BCL2L2: variants seen among roughly 807,000 people sequenced by gnomAD.
The protein encoded by BCL2L2 is BCL2 like 2, also known as bcl-2-like protein 2.
A neutral mutation model predicts 14.6 loss-of-function variants in BCL2L2; 6 were observed. The observed-to-expected ratio is 0.41, with a 90% CI of 0.22 to 0.81. BCL2L2 has a LOEUF of 0.81. BCL2L2 is among the 30% of genes least tolerant of loss of function. The probability of loss-of-function intolerance (pLI) is 0.32; values close to 1 mark genes in which losing one functional copy is unlikely to be tolerated. For missense variants in BCL2L2, 191 were observed against 260.5 expected, an observed-to-expected ratio of 0.73 and a Z score of 1.84; for synonymous variants, 90 against 108.5, an observed-to-expected ratio of 0.83 and a Z score of 1.06.
At position 23,310,190 on chromosome 14, in the gene BCL2L2, G is replaced by A; in HGVS notation, c.*1225G>A. 10 of 985,814 alleles carry A rather than the reference G, an allele frequency of 1.0e-5. No individual in the cohort carries two copies. The highest frequency in any genetic ancestry group is 1.2e-5 in the Non-Finnish European group (10 of 829,974). The allele number at this position is 985,814 out of a possible 1,614,324, so 61.1% of individuals were successfully genotyped here. Reference sequence around the variant, plus strand: ...TATTTGAAGCCACACTGTTTGCATGGGTGTTACTTGTCTGTACCTCAGAGT... The same window carrying A: ...TATTTGAAGCCACACTGTTTGCATGAGTGTTACTTGTCTGTACCTCAGAGT... On this transcript the variant is annotated 3_prime_UTR_variant, in exon 4 of 4. Transcript: ENST00000250405.
In BCL2L2 at chr14:23,309,580, G is replaced by A. The variant is rs1887481361; in HGVS notation, c.*615G>A. On this transcript the variant is annotated 3_prime_UTR_variant, in exon 4 of 4. Coordinates refer to ENST00000250405, the MANE Select transcript of BCL2L2 (RefSeq NM_004050.5). ...CTCCTCCCAACCCCTCCTTTCCCCT[G>A]CCCTTGTCCTGATGCCTCAAGGCTT... is the stretch of plus-strand genomic sequence containing the variant. The A allele has an allele frequency of 1.0e-6, 1 of 985,466 alleles. No homozygotes were observed. Among genetic ancestry groups the A allele is most frequent in the Admixed American group, 6.1e-5 (1 of 16,270 alleles). The allele number at this position is 985,466 out of a possible 1,614,324, so 61.0% of individuals were successfully genotyped here. A position where few individuals can be genotyped will look rare whatever the true frequency, so the allele number is the denominator to read the frequency against.
chr14:23,307,695 A>G, intron 2 of BCL2L2, 65 bp from the exon 3 acceptor site: 1 of 1,507,720 alleles, frequency 6.6e-7, no homozygotes, highest in Non-Finnish European at 8.9e-7. Context: ...TGGTCAAACC[A>G]GAAGTGCTCC....
Position 23,310,010 on chromosome 14 carries a change from T to G in BCL2L2, c.*1045T>G. On this transcript the variant is annotated 3_prime_UTR_variant, in exon 4 of 4. Coordinates refer to ENST00000250405, the MANE Select transcript of BCL2L2 (RefSeq NM_004050.5). ...TGTCTCAGTGAGACTGTTGATGCCTTGAGATGACCATTTCAGATCTGAATC... is the reference window on the plus strand; with the variant it reads ...TGTCTCAGTGAGACTGTTGATGCCTGGAGATGACCATTTCAGATCTGAATC... 4 of 985,458 alleles carry G rather than the reference T, an allele frequency of 4.1e-6. No homozygotes were observed. The highest frequency in any genetic ancestry group is 4.8e-6 in the Non-Finnish European group (4 of 829,978). The allele number at this position is 985,458 out of a possible 1,614,324, so 61.0% of individuals were successfully genotyped here. A position where few individuals can be genotyped will look rare whatever the true frequency, so the allele number is the denominator to read the frequency against.
Position 23,310,905 on chromosome 14 carries a change from GAAA to G in BCL2L2, c.*1945_*1947del. 2 of 1,288,920 alleles carry G rather than the reference GAAA, an allele frequency of 1.6e-6. No individual in the cohort carries two copies. Among genetic ancestry groups the G allele is most frequent in the Non-Finnish European group, 2.0e-6 (2 of 988,290 alleles). The allele number at this position is 1,288,920 out of a possible 1,614,324, so 79.8% of individuals were successfully genotyped here. A position where few individuals can be genotyped will look rare whatever the true frequency, so the allele number is the denominator to read the frequency against. On this transcript the variant is annotated 3_prime_UTR_variant, in exon 4 of 4. Transcript: ENST00000250405. ...TATTTGCATTAAGGGGTTTGCTGCT[GAAA>G]AAAAGTTGGAAAACCACTGACTAGA...
Position 23,311,101 on chromosome 14 carries a change from C to T in BCL2L2, c.*2136C>T. On this transcript the variant is annotated 3_prime_UTR_variant, in exon 4 of 4. Transcript: ENST00000250405. ...GTTACCAAAATGCCCTGCTCTGAAG[C>T]CTTGACACCTGGGTGGAAAGAGAGG... is the stretch of plus-strand genomic sequence containing the variant. 1.6e-6 allele frequency: 2 copies of T among 1,289,054 alleles called. No homozygotes were observed. The highest frequency in any genetic ancestry group is 1.0e-6 in the Non-Finnish European group (1 of 988,660). The allele number at this position is 1,289,054 out of a possible 1,614,324, so 79.9% of individuals were successfully genotyped here. A position where few individuals can be genotyped will look rare whatever the true frequency, so the allele number is the denominator to read the frequency against.
Position 23,309,702 on chromosome 14 carries a change from T to C in BCL2L2, c.*737T>C. On this transcript the variant is annotated 3_prime_UTR_variant, in exon 4 of 4. Transcript: ENST00000250405. ...GAGAAGAGCAGTTCTGCAGCTGGCC[T>C]TGTTCCTTCATCATCCCCCTTCCTT... 5 of 985,648 alleles carry C rather than the reference T, an allele frequency of 5.1e-6. No homozygotes were observed. The highest frequency in any genetic ancestry group is 6.0e-6 in the Non-Finnish European group (5 of 830,058). The allele number at this position is 985,648 out of a possible 1,614,324, so 61.1% of individuals were successfully genotyped here.
rs1887344145 is a variant in BCL2L2, at chr14:23,307,904, T to C, written c.137T>C (p.Met46Thr). ...GPAADPLHQA[M>T]RAAGDEFETR... The stretch of plus-strand genomic sequence containing the variant: ...GCAGCTGACCCGCTGCACCAAGCCA[T>C]GCGGGCAGCTGGAGATGAGTTCGAG... The change falls in exon 3 of 4, where the codon ATG (methionine) becomes ACG (threonine). Residue 46 changes from methionine (M) to threonine (T), a missense_variant. By Grantham distance (81) the Met-to-Thr change is moderately conservative. Coordinates refer to ENST00000250405, the MANE Select transcript of BCL2L2 (RefSeq NM_004050.5). 3 of 1,613,398 alleles carry C rather than the reference T, an allele frequency of 1.9e-6. No homozygotes were observed. Among genetic ancestry groups the C allele is most frequent in the Middle Eastern group, 1.6e-4 (1 of 6,080 alleles).
rs936573375 is a variant in BCL2L2, at chr14:23,310,975, A to T, written c.*2010A>T. ...GGAGTCTGTGCTTCCTTCCCCAGGTATGGAGCACACTCTTCACCCTACCCT... is the reference window on the plus strand; with the variant it reads ...GGAGTCTGTGCTTCCTTCCCCAGGTTTGGAGCACACTCTTCACCCTACCCT... On this transcript the variant is annotated 3_prime_UTR_variant, in exon 4 of 4. Transcript: ENST00000250405. 22 of 1,289,458 alleles carry T rather than the reference A, an allele frequency of 1.7e-5. No individual in the cohort carries two copies. Among genetic ancestry groups the T allele is most frequent in the Middle Eastern group, 2.1e-4 (1 of 4,712 alleles). The allele number at this position is 1,289,458 out of a possible 1,614,324, so 79.9% of individuals were successfully genotyped here.
In BCL2L2 at chr14:23,307,885, G is replaced by A; in HGVS notation, c.118G>A (p.Asp40Asn). ...TGGCCCCGGGGAGGGCCCAGCAGCTGACCCGCTGCACCAAGCCATGCGGGC... is the reference window on the plus strand; with the variant it reads ...TGGCCCCGGGGAGGGCCCAGCAGCTAACCCGCTGCACCAAGCCATGCGGGC... Reference protein sequence around the residue: ...GAGPGEGPAADPLHQAMRAAG... With the variant: ...GAGPGEGPAANPLHQAMRAAG... Residue 40 changes from aspartate to asparagine, a missense_variant, in exon 3 of 4, where the codon GAC (aspartate) becomes AAC (asparagine). Asp to Asn is a conservative substitution (Grantham distance 23). Transcript: ENST00000250405. 1.2e-6 allele frequency: 2 copies of A among 1,612,914 alleles called. No homozygotes were observed. The highest frequency in any genetic ancestry group is 1.7e-6 in the Non-Finnish European group (2 of 1,179,560).
chr14:23,310,324 C>G lies in BCL2L2; in HGVS notation c.*1359C>G. 1 of 987,018 alleles carries G rather than the reference C, an allele frequency of 1.0e-6. No individual in the cohort carries two copies. The highest frequency in any genetic ancestry group is 1.2e-6 in the Non-Finnish European group (1 of 830,800). The allele number at this position is 987,018 out of a possible 1,614,324, so 61.1% of individuals were successfully genotyped here. A position where few individuals can be genotyped will look rare whatever the true frequency, so the allele number is the denominator to read the frequency against. On this transcript the variant is annotated 3_prime_UTR_variant, in exon 4 of 4. Coordinates refer to ENST00000250405, the MANE Select transcript of BCL2L2 (RefSeq NM_004050.5). ...TCCAGATGCATGCCCTGAGCCAGAC[C>G]TCACTGCTGCACTTTCCAAGGTGCT...
chr14:23,311,035 C>CG lies in BCL2L2; in HGVS notation c.*2073dup, dbSNP rs1258093661. On this transcript the variant is annotated 3_prime_UTR_variant, in exon 4 of 4. Transcript: ENST00000250405. ...GACACATATCCCTGTTAGCATTCCCCGGGACCTTTAGCCAAGAGGAGCTGC... is the reference window on the plus strand; with the variant it reads ...GACACATATCCCTGTTAGCATTCCCCGGGGACCTTTAGCCAAGAGGAGCTGC... 2.3e-6 allele frequency: 3 copies of CG among 1,289,520 alleles called. No homozygotes were observed. In the Admixed American group the frequency reaches 6.9e-5, roughly 30 times the overall value. 79.9% of individuals were successfully genotyped at this position (1,289,520 alleles called of 1,614,324 possible). A position where few individuals can be genotyped will look rare whatever the true frequency, so the allele number is the denominator to read the frequency against.
rs1887463141 is a variant in BCL2L2 at position 23,309,326 on chromosome 14, G to C, written c.*361G>C. The C allele has an allele frequency of 6.7e-6, 7 of 1,050,648 alleles. No individual in the cohort carries two copies. The allele number at this position is 1,050,648 out of a possible 1,614,324, so 65.1% of individuals were successfully genotyped here. A position where few individuals can be genotyped will look rare whatever the true frequency, so the allele number is the denominator to read the frequency against. ...TAAGCAGCTGTATTCCATTAGATGA[G>C]TGGGATTTAGGGAACGCAGAAGGCA... On this transcript the variant is annotated 3_prime_UTR_variant, in exon 4 of 4. Transcript: ENST00000250405.
At position 23,310,594 on chromosome 14, in the gene BCL2L2, G is replaced by A. The variant is rs1206003190; in HGVS notation, c.*1629G>A. The A allele has an allele frequency of 1.8e-6, 2 of 1,083,206 alleles. No individual in the cohort carries two copies. Among genetic ancestry groups the A allele is most frequent in the Non-Finnish European group, 2.3e-6 (2 of 888,800 alleles). The allele number at this position is 1,083,206 out of a possible 1,614,324, so 67.1% of individuals were successfully genotyped here. A position where few individuals can be genotyped will look rare whatever the true frequency, so the allele number is the denominator to read the frequency against. On this transcript the variant is annotated 3_prime_UTR_variant, in exon 4 of 4. Transcript: ENST00000250405. ...TTTTCATGGTATTTCTAGGGGAGGT[G>A]GTAGGCTGCATGTGCCACTTGGTCT...
Position 23,311,090 on chromosome 14 carries a change from C to G in BCL2L2, c.*2125C>G, listed in dbSNP as rs1407232769. On this transcript the variant is annotated 3_prime_UTR_variant, in exon 4 of 4. Transcript: ENST00000250405. Reference sequence around the variant, plus strand: ...ACCATGGCCAGGTTACCAAAATGCCCTGCTCTGAAGCCTTGACACCTGGGT... The same window carrying G: ...ACCATGGCCAGGTTACCAAAATGCCGTGCTCTGAAGCCTTGACACCTGGGT... 1.6e-6 allele frequency: 2 copies of G among 1,289,246 alleles called. No homozygotes were observed. 79.9% of individuals were successfully genotyped at this position (1,289,246 alleles called of 1,614,324 possible).
At position 23,311,059 on chromosome 14, in the gene BCL2L2, G is replaced by T; in HGVS notation, c.*2094G>T. The T allele has an allele frequency of 3.1e-6, 4 of 1,289,438 alleles. No homozygotes were observed. Among genetic ancestry groups the T allele is most frequent in the Non-Finnish European group, 4.0e-6 (4 of 988,704 alleles). The allele number at this position is 1,289,438 out of a possible 1,614,324, so 79.9% of individuals were successfully genotyped here. ...CCGGGACCTTTAGCCAAGAGGAGCTGCAGGGACCATGGCCAGGTTACCAAA... is the reference window on the plus strand; with the variant it reads ...CCGGGACCTTTAGCCAAGAGGAGCTTCAGGGACCATGGCCAGGTTACCAAA... On this transcript the variant is annotated 3_prime_UTR_variant, in exon 4 of 4. Coordinates refer to ENST00000250405, the MANE Select transcript of BCL2L2 (RefSeq NM_004050.5).
At position 23,310,383 on chromosome 14, in the gene BCL2L2, A is replaced by G; in HGVS notation, c.*1418A>G. 1.0e-6 allele frequency: 1 copy of G among 989,478 alleles called. No homozygotes were observed. Among genetic ancestry groups the G allele is most frequent in the African/African-American group, 1.7e-5 (1 of 57,368 alleles). The allele number at this position is 989,478 out of a possible 1,614,324, so 61.3% of individuals were successfully genotyped here. ...TGCTCTCCAATGCTAACTTTCTGAC[A>G]CAGTGCTCTAGAACCCTGCCTGTGG... On this transcript the variant is annotated 3_prime_UTR_variant, in exon 4 of 4. Transcript: ENST00000250405.
rs745799509 is a variant in BCL2L2 at position 23,308,215 on chromosome 14, A to G, written c.432+16A>G. On this transcript the variant is annotated intron_variant, in intron 3 of 3. Transcript: ENST00000250405. This position sits in a 1 kb window ranked among gnomAD's most constrained non-coding sequence, Gnocchi z 5.4. ...TGGGGGCTGGGTAAGAAGCTTCTCA[A>G]TTGCCGCTCTGCACATCCTTCTGCA... is the stretch of plus-strand genomic sequence containing the variant. 2.4e-5 allele frequency: 39 copies of G among 1,596,228 alleles called. No homozygotes were observed. The highest frequency in any genetic ancestry group is 3.4e-5 in the South Asian group (3 of 89,068).
chr14:23,307,702 C>T, intron 2 of BCL2L2, 58 bp from the exon 3 acceptor site: 2 of 1,508,204 alleles, frequency 1.3e-6, no homozygotes. Context: ...ACCAGAAGTG[C>T]TCCTTCTGAT....
rs1306805286 is a variant in BCL2L2 at position 23,310,486 on chromosome 14, C to T, written c.*1521C>T. 23 of 1,031,762 alleles carry T rather than the reference C, an allele frequency of 2.2e-5. No individual in the cohort carries two copies. Among genetic ancestry groups the T allele is most frequent in the East Asian group, 1.0e-4 (1 of 9,564 alleles). 63.9% of individuals were successfully genotyped at this position (1,031,762 alleles called of 1,614,324 possible). On this transcript the variant is annotated 3_prime_UTR_variant, in exon 4 of 4. Coordinates refer to ENST00000250405, the MANE Select transcript of BCL2L2 (RefSeq NM_004050.5). Reference sequence around the variant, plus strand: ...TTCACTTGGTCCTAGAATGTGGCAACGTAGTTGTGCTCGCCAGAACGTGGG... The same window carrying T: ...TTCACTTGGTCCTAGAATGTGGCAATGTAGTTGTGCTCGCCAGAACGTGGG...
Sources: allele counts gnomAD v4.1 joint callset, GRCh38; gene constraint gnomAD v4.1.1; non-coding constraint Gnocchi (gnomAD v3.1); transcripts MANE v1.5; gene names NCBI Gene and HGNC (gene_info 2026-07-23, HGNC 2026-07-21).